RREB1: variants seen among roughly 807,000 people sequenced by gnomAD.
RREB1 encodes the protein ras responsive element binding protein 1.
In RREB1, 27 loss-of-function variants were observed where a neutral mutation model predicts 117.8. The observed-to-expected ratio is 0.23, with a 90% CI of 0.17 to 0.32. The LOEUF is 0.32. Among genes scored for constraint, RREB1 ranks in the 10% least tolerant of loss-of-function variants. The pLI is 1.00. For missense variants in RREB1, 2,577 were observed against 2,378.2 expected (o/e 1.08, Z -1.74); for synonymous variants, 1,298 against 1,026.7 (o/e 1.26, Z -5.05).
chr6:7,182,126 A>T, intron 4 of RREB1, 44 bp downstream of exon 4: 2 of 1,521,712 alleles, frequency 1.3e-6, no homozygotes, highest in Non-Finnish European at 1.8e-6. Context: ...GGTTCAATCC[A>T]TGAGAACATT....
At chr6:7,211,200 T>G (rs944803422) in intron 7 of RREB1, among the ~76,000 whole-genome samples, 1 of 152,196 alleles carries the variant, frequency 6.6e-6, no homozygotes, top group African/African-American at 2.4e-5. Context: ...TACCTGTTTT[T>G]TCTAGCTAAA....
intron 1 of RREB1, among the ~76,000 whole-genome samples, chr6:7,122,451 A>AGG (rs1217648992): frequency 7.9e-5 from 12 of 152,248 alleles, no homozygotes; most frequent in Non-Finnish European, 1.6e-4. Context: ...ATTTTTGTAG[A>AGG]GGTGGGGTTT....
Position 7,207,333 on chromosome 6 carries a change from C to T in RREB1, c.426-3471C>T, listed in dbSNP as rs534743043. Among the ~76,000 whole-genome samples the T allele has an allele frequency of 6.6e-5, 10 of 152,364 alleles. No homozygotes were observed. In the East Asian group the frequency reaches 1.7e-3, roughly 26 times the overall value. On this transcript the variant is annotated intron_variant, in intron 6 of 12. Coordinates refer to ENST00000379938, the MANE Select transcript of RREB1 (RefSeq NM_001003699.4). ...AGAAAGGCAGTCACTCATTTCTACT[C>T]TCACCAACGATGGGAGAGTACCAGT...
At chr6:7,133,304 A>G (rs1351662881) in intron 1 of RREB1, among the ~76,000 whole-genome samples, 1 of 152,178 alleles carries the variant, frequency 6.6e-6, no homozygotes, top group East Asian at 1.9e-4. Flanking sequence ...ACGGGCTTGT[A>G]TGAACTTTTG....
At chr6:7,188,451 G>A (rs1765220083) in intron 5 of RREB1, among the ~76,000 whole-genome samples, 1 of 152,000 alleles carries the variant, frequency 6.6e-6, no homozygotes. Flanking sequence ...CGGGGTTTCA[G>A]CACGTTTATA....
At chr6:7,208,296 C>G (rs973021600) in intron 6 of RREB1, among the ~76,000 whole-genome samples, 4 of 152,146 alleles carry the variant, frequency 2.6e-5, no homozygotes, top group African/African-American at 9.7e-5. Flanking sequence ...ATGAACAGCT[C>G]CAGTTGCCAC....
intron 10 of RREB1, among the ~76,000 whole-genome samples, chr6:7,234,370 A>G (rs1026485276): frequency 6.6e-6 from 1 of 151,446 alleles, no homozygotes; most frequent in East Asian, 1.9e-4. Context: ...CGGTGCTCCC[A>G]CCTCCCCCTG....
chr6:7,246,608 G>A lies in RREB1; in HGVS notation c.4158G>A (p.Glu1386=), dbSNP rs1296093351. 1 of 1,561,384 alleles carries A rather than the reference G, an allele frequency of 6.4e-7. No homozygotes were observed. Among genetic ancestry groups the A allele is most frequent in the Non-Finnish European group, 8.7e-7 (1 of 1,153,162 alleles). Residue 1386 remains glutamate (E), a synonymous_variant, in exon 12 of 13, where the codon GAG becomes GAA. Transcript: ENST00000379938. The part of the protein sequence containing the change: ...PVHREEHGRG[E]SHEPEEEHGT... ...ACCGGGAAGAGCACGGGCGTGGGGA[G>A]AGCCATGAGCCGGAGGAGGAGCATG... is the stretch of plus-strand genomic sequence containing the variant.
rs575173272 is a variant in RREB1, at chr6:7,251,761, T to C, written c.*2793T>C. On this transcript the variant is annotated 3_prime_UTR_variant, in exon 13 of 13. Coordinates refer to ENST00000379938, the MANE Select transcript of RREB1 (RefSeq NM_001003699.4). ...CATTAAACAGGAAACAATAATAAAT[T>C]TGTAGAATTCATATTTTTCTAAAGG... 4 of 152,300 alleles carry C rather than the reference T, an allele frequency of 2.6e-5. No homozygotes were observed. The highest frequency in any genetic ancestry group is 9.6e-5 in the African/African-American group (4 of 41,562). The allele number at this position is 152,300 out of a possible 1,614,324, so 9.4% of individuals were successfully genotyped here.
At chr6:7,226,271 A>G (rs1483432580) in intron 8 of RREB1, among the ~76,000 whole-genome samples, 196 bp from the exon 9 acceptor site, 1 of 152,190 alleles carries the variant, frequency 6.6e-6, no homozygotes, top group African/African-American at 2.4e-5. Context: ...AAGTTGATAG[A>G]ATACAACTTT....
intron 8 of RREB1, 128 bp downstream of exon 8, chr6:7,211,837 A>G (rs924289550): frequency 1.0e-6 from 1 of 983,354 alleles, no homozygotes; most frequent in Non-Finnish European, 1.5e-6. Flanking sequence ...TTAGGGAGGC[A>G]GTTAAGAAAG....
rs1561812044 is a variant in RREB1 at position 7,249,074 on chromosome 6, AG to A, written c.*107del. The A allele has an allele frequency of 1.8e-6, 1 of 555,612 alleles. No individual in the cohort carries two copies. The highest frequency in any genetic ancestry group is 2.3e-5 in the African/African-American group (1 of 44,284). 34.4% of individuals were successfully genotyped at this position (555,612 alleles called of 1,614,324 possible). On this transcript the variant is annotated 3_prime_UTR_variant, in exon 13 of 13. Coordinates refer to ENST00000379938, the MANE Select transcript of RREB1 (RefSeq NM_001003699.4). ...GGCTGTTGAGGAGTGAGAGAGAGAG[AG>A]AGAGAGAGAGAGAGAGAGAGAGAGA... is the stretch of plus-strand genomic sequence containing the variant.
At chr6:7,178,260 T>C (rs1488798299) in intron 2 of RREB1, among the ~76,000 whole-genome samples, 1 of 152,130 alleles carries the variant, frequency 6.6e-6, no homozygotes, top group Non-Finnish European at 1.5e-5. Flanking sequence ...ATTGTAAATA[T>C]CCAGAAAGAA....
intron 10 of RREB1, among the ~76,000 whole-genome samples, chr6:7,232,576 G>C (rs941733765): frequency 2.0e-5 from 3 of 151,922 alleles, no homozygotes; most frequent in Non-Finnish European, 4.4e-5. Flanking sequence ...AGGGCCTGGC[G>C]CTGGTCCAGG....
chr6:7,225,720 G>T (rs1185964053), intron 8 of RREB1, among the ~76,000 whole-genome samples: 8 of 152,168 alleles, frequency 5.3e-5, no homozygotes, highest in Non-Finnish European at 1.2e-4. Flanking sequence ...GTGGGAGCAG[G>T]AACTCAGGCT....
At chr6:7,226,433 T>G (rs1395920762) in intron 8 of RREB1, 34 bp from the exon 9 acceptor site, 2 of 1,548,828 alleles carry the variant, frequency 1.3e-6, no homozygotes, top group Non-Finnish European at 1.8e-6. Context: ...TGCTCTCCCT[T>G]TCTGCCTCAT....
chr6:7,198,542 A>AG (rs1371473101), intron 6 of RREB1, among the ~76,000 whole-genome samples: 1 of 152,196 alleles, frequency 6.6e-6, no homozygotes, highest in Non-Finnish European at 1.5e-5. Flanking sequence ...AAGACTGTTG[A>AG]GGGGTTCGTG....
rs573607507 is a variant in RREB1 at position 7,230,197 on chromosome 6, A to G, written c.2098A>G (p.Ile700Val). The G allele has an allele frequency of 4.4e-6, 7 of 1,605,692 alleles. No individual in the cohort carries two copies. The East Asian group carries it at 8.9e-5, about 20-fold the overall frequency. Residue 700 changes from isoleucine to valine, a missense_variant, in exon 10 of 13, where the codon ATT (isoleucine) becomes GTT (valine). By Grantham distance (29) the Ile-to-Val change is conservative. Coordinates refer to ENST00000379938, the MANE Select transcript of RREB1 (RefSeq NM_001003699.4). ...LRTHSGERPY[I>V]CKICHYPFTV... ...CACGCACAGTGGGGAGCGGCCCTAC[A>G]TTTGCAAGATCTGCCACTACCCCTT... is the stretch of plus-strand genomic sequence containing the variant.
In RREB1 at chr6:7,187,045, T is replaced by G. The variant is rs144286036; in HGVS notation, c.172-389T>G. ...TGTTGCAAAATAGCCCAGGCTGGAC[T>G]TGGGGAGAAATGTATTCCTTTCTAG... On this transcript the variant is annotated intron_variant, in intron 4 of 12. Transcript: ENST00000379938. Among the ~76,000 whole-genome samples the G allele has an allele frequency of 2.6e-5, 4 of 152,332 alleles. No homozygotes were observed. The East Asian group carries it at 7.7e-4, about 29-fold the overall frequency.
Sources: allele counts gnomAD v4.1 joint callset (sites outside exome capture counted in the v4.1 genomes callset), GRCh38; gene constraint gnomAD v4.1.1; transcripts MANE v1.5; gene names NCBI Gene and HGNC (gene_info 2026-07-23, HGNC 2026-07-21).